THSD7B: variants seen among roughly 807,000 people sequenced by gnomAD.
The protein encoded by THSD7B is thrombospondin type-1 domain-containing protein 7B.
Under a neutral mutation model 213.6 loss-of-function variants are expected in THSD7B, and 138 were observed. The ratio of observed to expected loss-of-function variants is 0.65; its 90% CI spans 0.56 to 0.74. THSD7B has a LOEUF of 0.74. Ranked by LOEUF, THSD7B falls within the 30% of genes least tolerant of loss-of-function variation. THSD7B has a pLI of 0.00. For missense variants in THSD7B, 1,931 were observed against 1,991.5 expected (o/e 0.97, Z 0.58); for synonymous variants, 742 against 687.0 (o/e 1.08, Z -1.25).
intron 15 of THSD7B, among the ~76,000 whole-genome samples, chr2:137,496,072 AC>A (rs1679555818): frequency 6.6e-6 from 1 of 152,220 alleles, no homozygotes; most frequent in African/African-American, 2.4e-5. Context: ...AATCAGAGTC[AC>A]AAAAATTTAA....
At chr2:137,345,746 T>G (rs146996361) in intron 12 of THSD7B, among the ~76,000 whole-genome samples, 2 of 151,610 alleles carry the variant, frequency 1.3e-5, no homozygotes, top group African/African-American at 4.8e-5. Context: ...GGTATGTAGA[T>G]TCCATGAACT....
intron 7 of THSD7B, among the ~76,000 whole-genome samples, chr2:137,195,411 G>A (rs1680741055): frequency 6.6e-6 from 1 of 151,998 alleles, no homozygotes; most frequent in Middle Eastern, 3.4e-3. Context: ...AAATAACCCT[G>A]GGCCCCTTAG....
intron 15 of THSD7B, among the ~76,000 whole-genome samples, chr2:137,504,283 A>G (rs1679783968): frequency 6.6e-6 from 1 of 152,174 alleles, no homozygotes. Context: ...AAAAGTATGT[A>G]TATAGTTTAT....
chr2:136,838,731 A>T (rs1312612817), intron 1 of THSD7B, among the ~76,000 whole-genome samples: 1 of 152,086 alleles, frequency 6.6e-6, no homozygotes, highest in Non-Finnish European at 1.5e-5. Context: ...GGCCATTTTG[A>T]TCTGACCCTG....
chr2:137,481,707 T>G (rs931818018), intron 15 of THSD7B, among the ~76,000 whole-genome samples: 14 of 152,232 alleles, frequency 9.2e-5, no homozygotes, highest in Non-Finnish European at 2.9e-5. Context: ...AATTTTACCT[T>G]TGGGATATAG....
chr2:137,266,970 C>T (rs1484611535), intron 10 of THSD7B, among the ~76,000 whole-genome samples: 1 of 152,162 alleles, frequency 6.6e-6, no homozygotes, highest in East Asian at 1.9e-4. Flanking sequence ...GTGATGTTCC[C>T]CAGCTTACCT....
At chr2:137,351,957 T>C (rs951235079) in intron 12 of THSD7B, among the ~76,000 whole-genome samples, 1 of 151,954 alleles carries the variant, frequency 6.6e-6, no homozygotes, top group Non-Finnish European at 1.5e-5. Context: ...TTGAGTTTTT[T>C]TGCAATTTTT....
intron 12 of THSD7B, among the ~76,000 whole-genome samples, chr2:137,305,999 A>C (rs75633575): frequency 1.3e-5 from 2 of 152,102 alleles, no homozygotes; most frequent in Admixed American, 1.3e-4. Context: ...ATATAGTACA[A>C]AAGATAAAAT....
chr2:137,411,594 C>A lies in THSD7B; in HGVS notation c.2696-15C>A. On this transcript the variant is annotated splice_polypyrimidine_tract_variant and intron_variant, in intron 13 of 27. Transcript: ENST00000409968. ...AGATAAGCATTTAATATCTTAATGT[C>A]TCTTGTTGGAACAGGGAAAAGCAGA... is the stretch of plus-strand genomic sequence containing the variant. The A allele has an allele frequency of 6.2e-7, 1 of 1,600,460 alleles. No homozygotes were observed. The highest frequency in any genetic ancestry group is 8.5e-7 in the Non-Finnish European group (1 of 1,171,942).
At chr2:136,963,092 T>G (rs899137501) in intron 2 of THSD7B, among the ~76,000 whole-genome samples, 30 of 152,148 alleles carry the variant, frequency 2.0e-4, no homozygotes, top group Non-Finnish European at 2.8e-4. Context: ...GGTTAAAAAT[T>G]ACAAAATTAA....
At chr2:137,094,316 G>A (rs6430678) in intron 3 of THSD7B, among the ~76,000 whole-genome samples, 43,042 of 152,128 alleles carry the variant, frequency 0.28, 9,278 homozygotes, top group African/African-American at 0.59. Flanking sequence ...CATGCCTGTA[G>A]TCCCAGTACT....
At chr2:137,018,344 A>T (rs926246340) in intron 2 of THSD7B, among the ~76,000 whole-genome samples, 8 of 152,278 alleles carry the variant, frequency 5.3e-5, no homozygotes, top group African/African-American at 1.9e-4. Flanking sequence ...CCCAAGAATG[A>T]TTTATTTGTT....
rs115047468 is a variant in THSD7B, at chr2:137,158,920, C to T, written c.1370-1293C>T. ...AAACTAGTGTGTAAAATAACATTTT[C>T]GGAACTTTAACCATTTGTTAAAAAA... On this transcript the variant is annotated intron_variant, in intron 5 of 27. Coordinates refer to ENST00000409968, the MANE Select transcript of THSD7B (RefSeq NM_001316349.2). Among the ~76,000 whole-genome samples the T allele has an allele frequency of 4.5e-3, 681 of 152,206 alleles. 5 individuals carry two copies. Among genetic ancestry groups the T allele is most frequent in the African/African-American group, 0.015 (626 of 41,542 alleles).
intron 2 of THSD7B, among the ~76,000 whole-genome samples, chr2:137,005,299 G>C (rs1436367066): frequency 6.6e-6 from 1 of 152,218 alleles, no homozygotes; most frequent in Non-Finnish European, 1.5e-5. Context: ...ATCTGCCAAA[G>C]CATGTCAGTT....
At chr2:137,458,470 A>C (rs1249173103) in intron 15 of THSD7B, among the ~76,000 whole-genome samples, 1 of 152,158 alleles carries the variant, frequency 6.6e-6, no homozygotes, top group African/African-American at 2.4e-5. Flanking sequence ...TCTTTCAAAA[A>C]AATGCATCAG....
At chr2:137,127,055 T>C (rs1312752789) in intron 5 of THSD7B, among the ~76,000 whole-genome samples, 4 of 151,596 alleles carry the variant, frequency 2.6e-5, no homozygotes, top group African/African-American at 7.3e-5. Flanking sequence ...CTGATGACTA[T>C]AATATATATA....
intron 10 of THSD7B, among the ~76,000 whole-genome samples, chr2:137,243,957 G>C (rs1244491297): frequency 6.6e-6 from 1 of 152,138 alleles, no homozygotes; most frequent in Non-Finnish European, 1.5e-5. Context: ...ATCTTTTGAG[G>C]GATGGAAACG....
At chr2:136,795,664 C>T (rs1407475215) in intron 1 of THSD7B, among the ~76,000 whole-genome samples, 1 of 151,908 alleles carries the variant, frequency 6.6e-6, no homozygotes, top group African/African-American at 2.4e-5. Context: ...ATTAATGGCA[C>T]AGATGAGTTC....
intron 5 of THSD7B, among the ~76,000 whole-genome samples, chr2:137,158,055 G>A (rs1405844684): frequency 6.6e-6 from 1 of 152,170 alleles, no homozygotes; most frequent in Non-Finnish European, 1.5e-5. Context: ...CATCAGCTCT[G>A]TTAAAATACT....
Sources: allele counts gnomAD v4.1 joint callset (sites outside exome capture counted in the v4.1 genomes callset), GRCh38; gene constraint gnomAD v4.1.1; transcripts MANE v1.5; gene names NCBI Gene and HGNC (gene_info 2026-07-23, HGNC 2026-07-21).